RPS6KC1: variants seen among roughly 807,000 people sequenced by gnomAD.
The protein encoded by RPS6KC1 is ribosomal protein S6 kinase C1.
Under a neutral mutation model 103.8 loss-of-function variants are expected in RPS6KC1, and 54 were observed. The observed-to-expected ratio is 0.52, with a 90% confidence interval of 0.42 to 0.65. The LOEUF is 0.65. RPS6KC1 is among the 30% of genes least tolerant of loss of function. RPS6KC1 has a pLI of 0.00. For missense variants in RPS6KC1, 1,151 were observed against 1,253.8 expected (o/e 0.92, Z 1.24); for synonymous variants, 439 against 438.7 (o/e 1.00, Z -0.01).
At chr1:213,497,729 T>G in the RPS6KC1 span, among the ~76,000 whole-genome samples, 2 of 152,026 alleles carry the variant, frequency 1.3e-5, no homozygotes, top group African/African-American at 4.8e-5. Context: ...TAAAAGAAAT[T>G]AATAAATTCT....
chr1:213,283,046 T>C, the RPS6KC1 span, among the ~76,000 whole-genome samples: 1 of 152,192 alleles, frequency 6.6e-6, no homozygotes, highest in Admixed American at 6.5e-5. Flanking sequence ...ACTAAGTGGA[T>C]GTACATTGAA....
the RPS6KC1 span, among the ~76,000 whole-genome samples, chr1:213,367,488 C>A: frequency 1.4e-4 from 22 of 152,260 alleles, no homozygotes; most frequent in African/African-American, 5.1e-4. Context: ...GTGATTGTGA[C>A]GTGAAATCAA....
chr1:213,850,540 T>C, the RPS6KC1 span, among the ~76,000 whole-genome samples: 2,083 of 152,340 alleles, frequency 0.014, 39 homozygotes, highest in East Asian at 0.068. Flanking sequence ...GACATTGCTC[T>C]TTCCGATGAG....
chr1:213,223,445 G>A (rs890225166), intron 8 of RPS6KC1, among the ~76,000 whole-genome samples: 20 of 152,108 alleles, frequency 1.3e-4, no homozygotes, highest in South Asian at 8.3e-4. Flanking sequence ...TCCCACTTAC[G>A]AGAACACATG....
the RPS6KC1 span, among the ~76,000 whole-genome samples, chr1:213,577,452 T>C: frequency 1.3e-5 from 2 of 152,236 alleles, no homozygotes; most frequent in Admixed American, 6.5e-5. Context: ...CCTGAAAATG[T>C]GGAACCAACT....
the RPS6KC1 span, among the ~76,000 whole-genome samples, chr1:213,428,325 C>T: frequency 6.6e-6 from 1 of 152,148 alleles, no homozygotes; most frequent in Non-Finnish European, 1.5e-5. Flanking sequence ...TAAGCAGAGC[C>T]ATTCTCCAGA....
the RPS6KC1 span, among the ~76,000 whole-genome samples, chr1:213,536,561 C>A: frequency 6.6e-6 from 1 of 151,628 alleles, no homozygotes; most frequent in African/African-American, 2.4e-5. Flanking sequence ...AATAAATTAA[C>A]GAACAAAGAC....
At chr1:213,378,490 A>G in the RPS6KC1 span, among the ~76,000 whole-genome samples, 1 of 152,192 alleles carries the variant, frequency 6.6e-6, no homozygotes, top group African/African-American at 2.4e-5. Flanking sequence ...TCGTCTTGAT[A>G]TAAGCTTGTG....
At chr1:213,178,582 GGAAA>G (rs760841238) in intron 8 of RPS6KC1, among the ~76,000 whole-genome samples, 4 of 151,490 alleles carry the variant, frequency 2.6e-5, no homozygotes, top group Non-Finnish European at 2.9e-5. Flanking sequence ...CAACAAAACA[GGAAA>G]GAAAGAAAGA....
At chr1:213,782,896 G>T in the RPS6KC1 span, among the ~76,000 whole-genome samples, 689 of 152,322 alleles carry the variant, frequency 4.5e-3, 5 homozygotes, top group African/African-American at 0.016. Flanking sequence ...ACAGGCTGGA[G>T]TGAAGTTGGA....
chr1:213,410,967 G>A, the RPS6KC1 span, among the ~76,000 whole-genome samples: 21 of 152,094 alleles, frequency 1.4e-4, no homozygotes, highest in Non-Finnish European at 3.1e-4. Context: ...GATGGTCAAG[G>A]GATATGAGGC....
chr1:213,668,028 G>A, the RPS6KC1 span, among the ~76,000 whole-genome samples: 3 of 152,114 alleles, frequency 2.0e-5, no homozygotes, highest in African/African-American at 7.2e-5. Context: ...GAAGTCTTGA[G>A]TCCCTCAAAA....
At chr1:213,145,356 A>T (rs1331011142) in intron 6 of RPS6KC1, among the ~76,000 whole-genome samples, 3 of 152,124 alleles carry the variant, frequency 2.0e-5, no homozygotes, top group Non-Finnish European at 4.4e-5. Flanking sequence ...AGGAAGAATG[A>T]AGTTAGAGTT....
intron 8 of RPS6KC1, among the ~76,000 whole-genome samples, chr1:213,182,963 A>G (rs2092356423): frequency 6.6e-6 from 1 of 150,566 alleles, no homozygotes; most frequent in Non-Finnish European, 1.5e-5. Context: ...ATATATATAT[A>G]TGTAAAAAGT....
At chr1:213,371,908 C>T in the RPS6KC1 span, among the ~76,000 whole-genome samples, 6 of 152,156 alleles carry the variant, frequency 3.9e-5, no homozygotes, top group African/African-American at 1.2e-4. Context: ...ACTCCCTGCT[C>T]GCCATCATCC....
chr1:213,291,275 G>A, the RPS6KC1 span, among the ~76,000 whole-genome samples: 1 of 152,310 alleles, frequency 6.6e-6, no homozygotes, highest in East Asian at 1.9e-4. Context: ...TTTGTGTGAG[G>A]TTCTGGAAGC....
chr1:213,058,580 A>G (rs2077547762), intron 1 of RPS6KC1, among the ~76,000 whole-genome samples: 1 of 152,050 alleles, frequency 6.6e-6, no homozygotes, highest in Non-Finnish European at 1.5e-5. Context: ...CCTTTGCCAA[A>G]AGTCAATTGA....
At chr1:213,575,546 C>T in the RPS6KC1 span, among the ~76,000 whole-genome samples, 1 of 152,216 alleles carries the variant, frequency 6.6e-6, no homozygotes, top group Non-Finnish European at 1.5e-5. Context: ...TTTTGCTTAG[C>T]ACTTCTCCTT....
the RPS6KC1 span, among the ~76,000 whole-genome samples, chr1:213,642,890 G>A: frequency 2.1e-4 from 32 of 151,632 alleles, no homozygotes; most frequent in Non-Finnish European, 2.2e-4. Flanking sequence ...GGGAGGTAGC[G>A]TATTTTTTCC....
Sources: allele counts gnomAD v4.1 joint callset (sites outside exome capture counted in the v4.1 genomes callset), GRCh38; gene constraint gnomAD v4.1.1; transcripts MANE v1.5; gene names NCBI Gene and HGNC (gene_info 2026-07-23, HGNC 2026-07-21).